SH3KBP1: variants seen among roughly 807,000 people sequenced by gnomAD.
SH3KBP1 encodes SH3 domain-containing kinase-binding protein 1.
A neutral mutation model predicts 50.1 loss-of-function variants in SH3KBP1; 8 were observed. The observed-to-expected ratio is 0.16, with a 90% CI of 0.09 to 0.29. SH3KBP1 has a LOEUF of 0.29. SH3KBP1 is among the 10% of genes least tolerant of loss of function. The pLI is 1.00. For missense variants in SH3KBP1, 377 were observed against 535.2 expected (o/e 0.70, Z 2.92); for synonymous variants, 227 against 218.6 (o/e 1.04, Z -0.34).
chrX:19,844,915 T>G (rs1211853312), intron 1 of SH3KBP1, among the ~76,000 whole-genome samples: 1 of 110,408 alleles, frequency 9.1e-6, no homozygotes, highest in Non-Finnish European at 1.9e-5. Flanking sequence ...CCGTCTCTAC[T>G]AAAAATACAA....
intron 9 of SH3KBP1, among the ~76,000 whole-genome samples, chrX:19,604,793 C>T (rs2067193783): frequency 8.9e-6 from 1 of 112,008 alleles, no homozygotes; most frequent in Non-Finnish European, 1.9e-5. Context: ...TTTTATAGAC[C>T]AGAGGAGATG....
intron 3 of SH3KBP1, among the ~76,000 whole-genome samples, chrX:19,736,267 A>T (rs2064571309): frequency 1.8e-5 from 2 of 111,503 alleles, no homozygotes; most frequent in South Asian, 3.7e-4. Flanking sequence ...TATTTTCTTT[A>T]CTCATTTTTA....
intron 2 of SH3KBP1, among the ~76,000 whole-genome samples, chrX:19,774,724 A>T (rs2065920561): frequency 9.1e-6 from 1 of 110,261 alleles, no homozygotes; most frequent in African/African-American, 3.3e-5. Context: ...AAACCTAAGG[A>T]AATTCTAGTT....
At chrX:19,645,675 A>C (rs2148399924) in intron 6 of SH3KBP1, among the ~76,000 whole-genome samples, 200 bp from the exon 7 acceptor site, 1 of 112,284 alleles carries the variant, frequency 8.9e-6, no homozygotes, top group African/African-American at 3.2e-5. Flanking sequence ...AAAAATAGGT[A>C]AAAAGGGCTT....
Position 19,542,101 on chromosome X carries a change from G to C in SH3KBP1, c.1716C>G (p.Ser572=), listed in dbSNP as rs1205666229. 8.3e-7 allele frequency: 1 copy of C among 1,211,213 alleles called. No individual in the cohort carries two copies. The highest frequency in any genetic ancestry group is 2.3e-4 in the Middle Eastern group (1 of 4,338). The change falls in exon 16 of 18, where the codon TCC becomes TCG. Residue 572 remains serine (S), a synonymous_variant. Coordinates refer to ENST00000397821, the MANE Select transcript of SH3KBP1 (RefSeq NM_031892.3). ...GPAPLSSAAP[S]PLSSSLGTAG... ...CTGTTCCCAAAGAGGATGACAGGGG[G>C]GAGGGCGCCGCTGAGGACAGAGGGG...
intron 1 of SH3KBP1, among the ~76,000 whole-genome samples, chrX:19,841,773 G>C (rs1335768463): frequency 9.2e-6 from 1 of 108,995 alleles, no homozygotes; most frequent in Non-Finnish European, 1.9e-5. Flanking sequence ...GAGACATTGA[G>C]AGGTAAATAA....
intron 6 of SH3KBP1, among the ~76,000 whole-genome samples, chrX:19,672,562 C>T (rs1484548434): frequency 8.9e-6 from 1 of 112,222 alleles, no homozygotes; most frequent in Non-Finnish European, 1.9e-5. Context: ...ATGAGAATAA[C>T]TTCAGACAAA....
rs779927127 is a variant in SH3KBP1, at chrX:19,667,812, A to ATTTT, written c.726+16007_726+16010dup. ...AAAGTCTTACTTTTGTTCTGTTGGG[A>ATTTT]TTTTTTTTTTTTTTTTTTTTTTTTT... On this transcript the variant is annotated intron_variant, in intron 6 of 17. Transcript: ENST00000397821. 1.6e-3 allele frequency among the ~76,000 whole-genome samples: 88 copies of ATTTT among 55,862 alleles called. 2 individuals carry two copies. The highest frequency in any genetic ancestry group is 7.0e-3 in the African/African-American group (81 of 11,525). The allele number at this position is 55,862 out of a possible 115,157, so 48.5% of individuals were successfully genotyped here.
At chrX:19,565,970 G>A (rs749740151) in intron 13 of SH3KBP1, among the ~76,000 whole-genome samples, 15 of 106,414 alleles carry the variant, frequency 1.4e-4, no homozygotes, top group African/African-American at 5.2e-4. Flanking sequence ...TGTTCCCCAG[G>A]CTGGAGTACA....
chrX:19,732,124 T>C (rs1216990687), intron 3 of SH3KBP1, among the ~76,000 whole-genome samples: 1 of 111,820 alleles, frequency 8.9e-6, no homozygotes, highest in Non-Finnish European at 1.9e-5. Context: ...AATTGACGCA[T>C]AATAATTGTA....
At chrX:19,572,428 CAT>C (rs1284604932) in intron 12 of SH3KBP1, among the ~76,000 whole-genome samples, 40 of 104,511 alleles carry the variant, frequency 3.8e-4, no homozygotes, top group Admixed American at 7.3e-4. Flanking sequence ...TTATATAGTA[CAT>C]ATATGTTATA....
rs1199739075 is a variant in SH3KBP1, at chrX:19,541,906, A to G, written c.1892+19T>C. 1 of 1,192,624 alleles carries G rather than the reference A, an allele frequency of 8.4e-7. No homozygotes were observed. The highest frequency in any genetic ancestry group is 2.2e-5 in the Admixed American group (1 of 44,682). On this transcript the variant is annotated intron_variant, in intron 16 of 17. Transcript: ENST00000397821. The stretch of plus-strand genomic sequence containing the variant: ...AGAGCAACCTGGGTGACGGCCCCCA[A>G]GAGTCCCCAGGCACTCACTTCTGCT...
intron 15 of SH3KBP1, among the ~76,000 whole-genome samples, chrX:19,542,904 G>A (rs1352611674): frequency 2.7e-5 from 3 of 111,986 alleles, no homozygotes; most frequent in Non-Finnish European, 5.6e-5. Flanking sequence ...GCGAAAGGGT[G>A]AGAGGAGGGC....
chrX:19,749,975 C>A (rs2065016510), intron 2 of SH3KBP1, among the ~76,000 whole-genome samples: 1 of 111,759 alleles, frequency 8.9e-6, no homozygotes, highest in Non-Finnish European at 1.9e-5. Context: ...CACACAAGAC[C>A]CAGGGGGCTA....
chrX:19,649,378 G>C (rs2062069050), intron 6 of SH3KBP1, among the ~76,000 whole-genome samples: 1 of 111,281 alleles, frequency 9.0e-6, no homozygotes, highest in Non-Finnish European at 1.9e-5. Flanking sequence ...CTGTGAGGCA[G>C]CTGAAGACTT....
At chrX:19,878,958 A>G (rs2069350077) in intron 1 of SH3KBP1, among the ~76,000 whole-genome samples, 1 of 112,866 alleles carries the variant, frequency 8.9e-6, no homozygotes, top group Non-Finnish European at 1.9e-5. Context: ...TTTAAAAAAA[A>G]CTTACACCCT....
chrX:19,715,496 C>T (rs1030894868), intron 3 of SH3KBP1, among the ~76,000 whole-genome samples: 11 of 110,782 alleles, frequency 9.9e-5, no homozygotes, highest in African/African-American at 3.6e-4. Context: ...ATGCCTGGAC[C>T]CACCTCTAGA....
At chrX:19,776,439 C>A (rs1399408930) in intron 2 of SH3KBP1, among the ~76,000 whole-genome samples, 2 of 101,100 alleles carry the variant, frequency 2.0e-5, no homozygotes, top group Non-Finnish European at 2.0e-5. Flanking sequence ...GGCCAACAGA[C>A]AACAGAATTA....
chrX:19,809,594 T>A (rs2067150534), intron 2 of SH3KBP1, among the ~76,000 whole-genome samples: 1 of 112,535 alleles, frequency 8.9e-6, no homozygotes, highest in Non-Finnish European at 1.9e-5. Flanking sequence ...ATTAATGTTC[T>A]AAAAGAAAAC....
Sources: gnomAD v4.1 joint callset for allele counts (sites outside exome capture counted in the v4.1 genomes callset) on GRCh38, gnomAD v4.1.1 for gene constraint, MANE v1.5 for transcripts, NCBI Gene and HGNC (gene_info 2026-07-23, HGNC 2026-07-21) for gene names.